Variants in PTPRR observed in about 807,000 individuals in gnomAD.
The protein encoded by PTPRR is protein tyrosine phosphatase receptor type R, also known as receptor-type tyrosine-protein phosphatase R.
In PTPRR, 38 loss-of-function variants were observed where a neutral mutation model predicts 77.2. That is an observed-to-expected ratio of 0.49 (90% CI 0.38 to 0.65). The LOEUF (loss-of-function observed/expected upper bound fraction) is 0.65. Among genes scored for constraint, PTPRR ranks in the 30% least tolerant of loss-of-function variants. The pLI is 0.00. For synonymous variants in PTPRR, 299 were observed against 283.1 expected (o/e 1.06, Z -0.57); for missense variants, 744 against 799.2 (o/e 0.93, Z 0.83).
chr12:70,782,492 T>C (rs1186961528), intron 2 of PTPRR, among the ~76,000 whole-genome samples: 1 of 152,116 alleles, frequency 6.6e-6, no homozygotes, highest in Non-Finnish European at 1.5e-5. Flanking sequence ...ATATACACCA[T>C]GGAATACTAT....
chr12:70,772,922 A>T (rs1209671913), intron 2 of PTPRR, among the ~76,000 whole-genome samples: 1 of 152,102 alleles, frequency 6.6e-6, no homozygotes, highest in Non-Finnish European at 1.5e-5. Flanking sequence ...GTCATACTAG[A>T]GGCTGGAAGT....
chr12:70,797,033 A>G (rs1891527813), intron 2 of PTPRR, among the ~76,000 whole-genome samples: 1 of 152,180 alleles, frequency 6.6e-6, no homozygotes, highest in Admixed American at 6.5e-5. Context: ...AATTGTCTAA[A>G]CACATTATAA....
chr12:70,703,739 C>T (rs1446318672), intron 6 of PTPRR, among the ~76,000 whole-genome samples: 3 of 152,080 alleles, frequency 2.0e-5, no homozygotes, highest in African/African-American at 7.2e-5. Flanking sequence ...GATGGCTAGT[C>T]CTATGCCCTT....
At chr12:70,706,341 T>TA (rs899357440) in intron 6 of PTPRR, among the ~76,000 whole-genome samples, 43 of 152,048 alleles carry the variant, frequency 2.8e-4, no homozygotes, top group Admixed American at 1.3e-3. Context: ...AATGGAGTGT[T>TA]ACCAATTTCG....
intron 2 of PTPRR, among the ~76,000 whole-genome samples, chr12:70,821,212 G>GTTTTTT: frequency 2.2e-5 from 1 of 44,552 alleles, no homozygotes; most frequent in Non-Finnish European, 5.2e-5. Flanking sequence ...AGGGATCACT[G>GTTTTTT]CTTTTTTTTT....
intron 2 of PTPRR, among the ~76,000 whole-genome samples, chr12:70,818,042 T>C (rs1891936385): frequency 6.6e-6 from 1 of 151,840 alleles, no homozygotes; most frequent in African/African-American, 2.4e-5. Context: ...TGAAACCCCA[T>C]CTCTACTAAA....
At chr12:70,665,879 TCATCACATAGAATGTG>T (rs1262505309) in intron 10 of PTPRR, among the ~76,000 whole-genome samples, 1 of 152,198 alleles carries the variant, frequency 6.6e-6, no homozygotes, top group Non-Finnish European at 1.5e-5. Context: ...AAGATCTGTA[TCATCACATAGAATGTG>T]GCTCTAAGTA....
At chr12:70,906,969 G>C (rs577805582) in intron 1 of PTPRR, 1 of 152,518 alleles carries the variant, frequency 6.6e-6, no homozygotes, top group African/African-American at 2.4e-5. Flanking sequence ...ACCAGTTGCG[G>C]ATTTCTTTGT....
chr12:70,699,116 A>C (rs893550634), intron 7 of PTPRR, among the ~76,000 whole-genome samples: 1 of 152,236 alleles, frequency 6.6e-6, no homozygotes, highest in South Asian at 2.1e-4. Context: ...CAAAGTTTTC[A>C]AAAGGGTCCA....
intron 1 of PTPRR, among the ~76,000 whole-genome samples, chr12:70,905,395 A>T (rs777663608): frequency 1.5e-4 from 23 of 151,956 alleles, no homozygotes; most frequent in Admixed American, 4.6e-4. Flanking sequence ...TTGAGAGTTC[A>T]GTGACAGTTT....
intron 6 of PTPRR, among the ~76,000 whole-genome samples, chr12:70,719,797 G>T (rs909775958): frequency 6.6e-6 from 1 of 152,170 alleles, no homozygotes; most frequent in Non-Finnish European, 1.5e-5. Flanking sequence ...GGGAGGCTTC[G>T]GCTGCTCCAC....
At chr12:70,832,140 A>G (rs1420562282) in intron 2 of PTPRR, among the ~76,000 whole-genome samples, 1 of 152,230 alleles carries the variant, frequency 6.6e-6, no homozygotes, top group Non-Finnish European at 1.5e-5. Flanking sequence ...CTGTCGCTCC[A>G]TATGCTGGAC....
chr12:70,690,800 T>A (rs2136753660), intron 8 of PTPRR, among the ~76,000 whole-genome samples: 1 of 152,330 alleles, frequency 6.6e-6, no homozygotes. Flanking sequence ...AAAGACTCTT[T>A]GTGGACTAAA....
chr12:70,744,040 C>A (rs1002004877), intron 6 of PTPRR, among the ~76,000 whole-genome samples: 1 of 152,246 alleles, frequency 6.6e-6, no homozygotes, highest in South Asian at 2.1e-4. Context: ...TTCTTGCCAC[C>A]GGCCCTTCGT....
intron 4 of PTPRR, among the ~76,000 whole-genome samples, chr12:70,761,115 A>T (rs888067911): frequency 1.3e-5 from 2 of 152,218 alleles, no homozygotes; most frequent in Non-Finnish European, 2.9e-5. Context: ...AGAGAAAGAA[A>T]GGTTTAAATG....
At chr12:70,661,682 C>A (rs1886804543) in intron 11 of PTPRR, among the ~76,000 whole-genome samples, 1 of 152,176 alleles carries the variant, frequency 6.6e-6, no homozygotes, top group Non-Finnish European at 1.5e-5. Context: ...GTGGCATGAA[C>A]CTCGCACTCC....
chr12:70,818,948 A>G (rs1252929027), intron 2 of PTPRR, among the ~76,000 whole-genome samples: 1 of 152,202 alleles, frequency 6.6e-6, no homozygotes, highest in African/African-American at 2.4e-5. Context: ...ACAAACATGT[A>G]CACAAATGAA....
chr12:70,885,534 A>AT (rs34620002), intron 2 of PTPRR, among the ~76,000 whole-genome samples: 10,202 of 137,048 alleles, frequency 0.074, 1,017 homozygotes, highest in African/African-American at 0.22. Context: ...ACAGTTAAGG[A>AT]TTTTTTTTTT....
chr12:70,653,591 C>T (rs1355422934), intron 13 of PTPRR, among the ~76,000 whole-genome samples: 1 of 152,132 alleles, frequency 6.6e-6, no homozygotes, highest in Non-Finnish European at 1.5e-5. Flanking sequence ...TTCCAGTTTA[C>T]AGGCACATGT....
Sources: allele counts gnomAD v4.1 joint callset (sites outside exome capture counted in the v4.1 genomes callset), GRCh38; gene constraint gnomAD v4.1.1; transcripts MANE v1.5; gene names NCBI Gene and HGNC (gene_info 2026-07-23, HGNC 2026-07-21).